THSD7B: variants seen among roughly 807,000 people sequenced by gnomAD.
THSD7B encodes the protein thrombospondin type 1 domain containing 7B.
A neutral mutation model predicts 213.6 loss-of-function variants in THSD7B; 138 were observed. The ratio of observed to expected loss-of-function variants is 0.65; its 90% confidence interval spans 0.56 to 0.74. THSD7B has a LOEUF of 0.74. Among genes scored for constraint, THSD7B ranks in the 30% least tolerant of loss-of-function variants. The pLI is 0.00. For missense variants in THSD7B, 1,931 were observed against 1,991.5 expected (o/e 0.97, Z 0.58); for synonymous variants, 742 against 687.0 (o/e 1.08, Z -1.25).
At chr2:136,873,271 A>G (rs976509379) in intron 1 of THSD7B, among the ~76,000 whole-genome samples, 3 of 152,084 alleles carry the variant, frequency 2.0e-5, no homozygotes, top group Non-Finnish European at 2.9e-5. Flanking sequence ...CAAACCAAAG[A>G]CACATGTGAT....
intron 13 of THSD7B, among the ~76,000 whole-genome samples, chr2:137,410,013 G>C (rs532672000): frequency 3.3e-5 from 5 of 152,266 alleles, no homozygotes; most frequent in Admixed American, 2.6e-4. Context: ...AAACTGAAGA[G>C]ATGAAGACTG....
chr2:137,645,206 T>G lies in THSD7B; in HGVS notation c.3945+2573T>G, dbSNP rs953932081. Among the ~76,000 whole-genome samples the G allele has an allele frequency of 2.1e-4, 32 of 152,350 alleles. 1 individual carries two copies. The highest frequency in any genetic ancestry group is 5.9e-5 in the Non-Finnish European group (4 of 68,030). On this transcript the variant is annotated intron_variant, in intron 21 of 27. Coordinates refer to ENST00000409968, the MANE Select transcript of THSD7B (RefSeq NM_001316349.2). Reference sequence around the variant, plus strand: ...AGATAAGTTAAAGTACTTTGCATAGTAATAGACATAAGTTAAGAGCTCAAT... The same window carrying G: ...AGATAAGTTAAAGTACTTTGCATAGGAATAGACATAAGTTAAGAGCTCAAT...
intron 2 of THSD7B, among the ~76,000 whole-genome samples, chr2:136,951,048 T>C (rs573531081): frequency 6.6e-6 from 1 of 152,098 alleles, no homozygotes; most frequent in South Asian, 2.1e-4. Context: ...GCTTCCACCA[T>C]TGATTTGGTT....
intron 7 of THSD7B, among the ~76,000 whole-genome samples, chr2:137,229,961 T>G (rs1383283136): frequency 6.6e-6 from 1 of 152,180 alleles, no homozygotes; most frequent in Non-Finnish European, 1.5e-5. Context: ...TTCAAAGCCA[T>G]AAAGTCATAC....
intron 1 of THSD7B, among the ~76,000 whole-genome samples, chr2:136,879,711 T>G (rs1397984114): frequency 6.6e-6 from 1 of 152,032 alleles, no homozygotes; most frequent in Non-Finnish European, 1.5e-5. Flanking sequence ...TGTGCTGTAT[T>G]CAGGAAACCC....
chr2:137,281,411 T>C (rs1244896496), intron 12 of THSD7B, among the ~76,000 whole-genome samples: 1 of 151,872 alleles, frequency 6.6e-6, no homozygotes, highest in Non-Finnish European at 1.5e-5. Flanking sequence ...TCTTATTTTT[T>C]ATTATTATTA....
chr2:137,000,850 G>A (rs78560146), intron 2 of THSD7B, among the ~76,000 whole-genome samples: 7,799 of 152,028 alleles, frequency 0.051, 282 homozygotes, highest in East Asian at 0.12. Flanking sequence ...TAACTAGAAG[G>A]AAACCTCACC....
At chr2:137,281,900 G>A (rs1311107078) in intron 12 of THSD7B, among the ~76,000 whole-genome samples, 2 of 152,066 alleles carry the variant, frequency 1.3e-5, no homozygotes, top group African/African-American at 4.8e-5. Flanking sequence ...ATGATTTATA[G>A]TCCTTTGGGT....
intron 10 of THSD7B, among the ~76,000 whole-genome samples, chr2:137,265,201 C>A (rs1682559167): frequency 6.6e-6 from 1 of 152,040 alleles, no homozygotes; most frequent in Non-Finnish European, 1.5e-5. Context: ...TGTATATGTG[C>A]CACAAGAAAA....
At chr2:137,013,459 T>C (rs1412907206) in intron 2 of THSD7B, among the ~76,000 whole-genome samples, 2 of 152,024 alleles carry the variant, frequency 1.3e-5, no homozygotes, top group Non-Finnish European at 2.9e-5. Flanking sequence ...GTTCTTAGGA[T>C]AGGGTACAAG....
intron 12 of THSD7B, among the ~76,000 whole-genome samples, chr2:137,317,523 A>G (rs754582387): frequency 2.6e-5 from 4 of 152,250 alleles, no homozygotes; most frequent in Admixed American, 6.5e-5. Flanking sequence ...TAGTATATCC[A>G]TAAATATCTC....
intron 17 of THSD7B, among the ~76,000 whole-genome samples, chr2:137,573,490 C>T (rs1681399219): frequency 1.3e-5 from 2 of 151,982 alleles, no homozygotes; most frequent in Non-Finnish European, 2.9e-5. Context: ...AGAGATTTCA[C>T]TCTATTGTTA....
At chr2:137,257,058 A>G (rs1682327422) in intron 10 of THSD7B, among the ~76,000 whole-genome samples, 1 of 152,130 alleles carries the variant, frequency 6.6e-6, no homozygotes, top group African/African-American at 2.4e-5. Flanking sequence ...TTGGCATCTT[A>G]TAAAGCTACG....
intron 16 of THSD7B, among the ~76,000 whole-genome samples, chr2:137,564,831 C>A (rs1452930429): frequency 6.6e-6 from 1 of 152,088 alleles, no homozygotes; most frequent in Non-Finnish European, 1.5e-5. Flanking sequence ...AACTATGAAG[C>A]ATTATTCTAC....
At chr2:137,189,182 G>A (rs1680610410) in intron 7 of THSD7B, among the ~76,000 whole-genome samples, 1 of 152,100 alleles carries the variant, frequency 6.6e-6, no homozygotes, top group East Asian at 1.9e-4. Flanking sequence ...TGCTTTGTTA[G>A]GCAGAGTTGT....
At chr2:137,154,636 T>A (rs1679879164) in intron 5 of THSD7B, among the ~76,000 whole-genome samples, 1 of 152,150 alleles carries the variant, frequency 6.6e-6, no homozygotes, top group South Asian at 2.1e-4. Flanking sequence ...TTCTTTAGCA[T>A]CTTATTTCTC....
At chr2:137,097,948 A>G (rs947177641) in intron 4 of THSD7B, among the ~76,000 whole-genome samples, 2 of 149,450 alleles carry the variant, frequency 1.3e-5, no homozygotes, top group Non-Finnish European at 3.0e-5. Flanking sequence ...AGTAACAGCA[A>G]CTAAACATCA....
intron 12 of THSD7B, among the ~76,000 whole-genome samples, chr2:137,352,575 C>A (rs1685037670): frequency 6.6e-6 from 1 of 151,914 alleles, no homozygotes; most frequent in Non-Finnish European, 1.5e-5. Context: ...GAGTGGGTGG[C>A]TACAGGATTC....
chr2:136,910,784 T>C (rs1021351842), intron 2 of THSD7B, among the ~76,000 whole-genome samples: 2 of 152,082 alleles, frequency 1.3e-5, no homozygotes, highest in African/African-American at 4.8e-5. Flanking sequence ...TTAATGATAT[T>C]AATTTAACGA....
Sources: gnomAD v4.1 joint callset for allele counts (sites outside exome capture counted in the v4.1 genomes callset) on GRCh38, gnomAD v4.1.1 for gene constraint, MANE v1.5 for transcripts, NCBI Gene and HGNC (gene_info 2026-07-23, HGNC 2026-07-21) for gene names.